MAP2K5: variants seen among roughly 807,000 people sequenced by gnomAD.
The protein encoded by MAP2K5 is dual specificity mitogen-activated protein kinase kinase 5.
MAP2K5 carries 49 observed loss-of-function variants against 83.1 expected under a neutral mutation model. That is an observed-to-expected ratio of 0.59 (90% CI 0.47 to 0.75). The LOEUF (loss-of-function observed/expected upper bound fraction) is 0.75. MAP2K5 is among the 30% of genes least tolerant of loss of function. MAP2K5 has a pLI of 0.00. For synonymous variants in MAP2K5, 202 were observed against 191.8 expected, an observed-to-expected ratio of 1.05 and a Z score of -0.44; for missense variants, 457 against 557.5, an observed-to-expected ratio of 0.82 and a Z score of 1.82.
chr15:67,600,886 AC>A (rs1881546194), intron 8 of MAP2K5, 137 bp downstream of exon 8: 1 of 615,646 alleles, frequency 1.6e-6, no homozygotes, highest in East Asian at 3.0e-5. Flanking sequence ...ATTCTGCAAG[AC>A]ATCTATTTTC....
At chr15:67,582,398 G>C (rs531710880) in intron 4 of MAP2K5, among the ~76,000 whole-genome samples, 1 of 152,242 alleles carries the variant, frequency 6.6e-6, no homozygotes, top group East Asian at 1.9e-4. Context: ...AGTGACTGGA[G>C]AATTTGGGCA....
At chr15:67,662,427 T>C (rs1315913442) in intron 12 of MAP2K5, among the ~76,000 whole-genome samples, 1 of 152,180 alleles carries the variant, frequency 6.6e-6, no homozygotes, top group Non-Finnish European at 1.5e-5. Context: ...TAGTCCTGAC[T>C]TACCCAGAAT....
chr15:67,725,907 G>C (rs1036823784), intron 16 of MAP2K5, among the ~76,000 whole-genome samples: 1 of 152,120 alleles, frequency 6.6e-6, no homozygotes, highest in African/African-American at 2.4e-5. Flanking sequence ...AGGTGGGGTG[G>C]GGACAGAGGA....
chr15:67,670,481 C>T (rs1025238407), intron 13 of MAP2K5: 2 of 453,910 alleles, frequency 4.4e-6, no homozygotes, highest in African/African-American at 4.0e-5. Flanking sequence ...AATTATGCCT[C>T]AGTAAACCAA....
In MAP2K5 at chr15:67,775,876, C is replaced by T. The variant is rs1257406720; in HGVS notation, c.1242+3124C>T. The stretch of plus-strand genomic sequence containing the variant: ...CTCTAGTGCCTGCTGGAACAGAAAC[C>T]TCTTCAACATTGACCTGGTGGAGTT... On this transcript the variant is annotated intron_variant, in intron 21 of 21. Transcript: ENST00000178640. This position sits in a 1 kb window ranked among gnomAD's most constrained non-coding sequence, Gnocchi z 5.3. Among the ~76,000 whole-genome samples, 1 of 152,188 alleles carries T rather than the reference C, an allele frequency of 6.6e-6. No homozygotes were observed. The highest frequency in any genetic ancestry group is 1.5e-5 in the Non-Finnish European group (1 of 68,032).
At chr15:67,765,912 A>G (rs1471165740) in intron 19 of MAP2K5, among the ~76,000 whole-genome samples, 1 of 152,228 alleles carries the variant, frequency 6.6e-6, no homozygotes, top group Non-Finnish European at 1.5e-5. Flanking sequence ...ATTGTGCATA[A>G]TTAATAATTA....
intron 9 of MAP2K5, chr15:67,641,398 G>A: frequency 1.6e-6 from 1 of 624,848 alleles, no homozygotes; most frequent in Non-Finnish European, 2.1e-6. Flanking sequence ...AATTAAAACA[G>A]AATAGCAGCT....
chr15:67,552,414 A>T lies in MAP2K5; in HGVS notation c.184+2332A>T, dbSNP rs2084529337. Among the ~76,000 whole-genome samples the T allele has an allele frequency of 6.6e-6, 1 of 152,010 alleles. No individual in the cohort carries two copies. The highest frequency in any genetic ancestry group is 2.4e-5 in the African/African-American group (1 of 41,364). On this transcript the variant is annotated intron_variant, in intron 2 of 21. Coordinates refer to ENST00000178640, the MANE Select transcript of MAP2K5 (RefSeq NM_145160.3). The surrounding 1 kb of genome is among the most constrained non-coding windows in gnomAD (Gnocchi z 4.2). ...TCCATGGGTTATCTTATTTCTTTTAACCATCACAAGATCCCCACGAAGTAC... is the reference window on the plus strand; with the variant it reads ...TCCATGGGTTATCTTATTTCTTTTATCCATCACAAGATCCCCACGAAGTAC...
At chr15:67,742,397 CGG>C (rs1270932034) in intron 17 of MAP2K5, among the ~76,000 whole-genome samples, 1 of 152,120 alleles carries the variant, frequency 6.6e-6, no homozygotes, top group Non-Finnish European at 1.5e-5. Context: ...ATGAAAGCTC[CGG>C]AAAAACCCTC....
chr15:67,748,836 T>C lies in MAP2K5; in HGVS notation c.1134+235T>C, dbSNP rs1275893927. On this transcript the variant is annotated intron_variant, in intron 19 of 21. Transcript: ENST00000178640. This position sits in a 1 kb window ranked among gnomAD's most constrained non-coding sequence, Gnocchi z 4.0. ...CAGGCTGGTCCTCAGGGGCATCAGA[T>C]GCCCTAAAGACAAAACACAATAATA... Among the ~76,000 whole-genome samples, 1 of 152,174 alleles carries C rather than the reference T, an allele frequency of 6.6e-6. No homozygotes were observed.
intron 1 of MAP2K5, among the ~76,000 whole-genome samples, chr15:67,544,521 C>T (rs1250224328): frequency 1.3e-5 from 2 of 152,058 alleles, no homozygotes; most frequent in Non-Finnish European, 2.9e-5. Flanking sequence ...AGAGTCAGTA[C>T]CAGAACTAAA....
intron 2 of MAP2K5, among the ~76,000 whole-genome samples, chr15:67,558,795 C>T (rs1422655776): frequency 2.0e-5 from 3 of 152,346 alleles, no homozygotes; most frequent in Admixed American, 2.0e-4. Flanking sequence ...ATCAGCAAGG[C>T]CCACTCCCTC....
chr15:67,678,589 G>A (rs2087736962), intron 13 of MAP2K5, among the ~76,000 whole-genome samples: 1 of 152,146 alleles, frequency 6.6e-6, no homozygotes, highest in Admixed American at 6.5e-5. Flanking sequence ...CAACAAAAAG[G>A]GAATCCTCAA....
chr15:67,742,756 A>C (rs879715574), intron 17 of MAP2K5, among the ~76,000 whole-genome samples: 1 of 152,214 alleles, frequency 6.6e-6, no homozygotes, highest in African/African-American at 2.4e-5. Context: ...TTTCCTTGCA[A>C]AATTCAAGTC....
In MAP2K5 at chr15:67,543,215, T is replaced by G; in HGVS notation, c.-121T>G. 8.2e-6 allele frequency: 7 copies of G among 853,970 alleles called. No individual in the cohort carries two copies. Among genetic ancestry groups the G allele is most frequent in the East Asian group, 2.8e-5 (1 of 35,802 alleles). 52.9% of individuals were successfully genotyped at this position (853,970 alleles called of 1,614,324 possible). On this transcript the variant is annotated 5_prime_UTR_variant, in exon 1 of 22. Coordinates refer to ENST00000178640, the MANE Select transcript of MAP2K5 (RefSeq NM_145160.3). The surrounding 1 kb of genome is among the most constrained non-coding windows in gnomAD (Gnocchi z 4.3). ...CCTCTTCCCTCCCCCTCATCCTCCA[T>G]TCCCTTGTTTTCACCCTCTGTCCTC...
intron 9 of MAP2K5, among the ~76,000 whole-genome samples, chr15:67,635,140 C>T (rs559422022): frequency 1.2e-3 from 181 of 151,570 alleles, no homozygotes; most frequent in African/African-American, 4.2e-3. Flanking sequence ...TCATCATATG[C>T]GATAAACCCC....
intron 12 of MAP2K5, 101 bp downstream of exon 12, chr15:67,658,715 C>A: frequency 9.8e-7 from 1 of 1,021,916 alleles, no homozygotes; most frequent in Non-Finnish European, 1.5e-6. Flanking sequence ...TTCTTCAATC[C>A]CAGTTGGCTC....
intron 12 of MAP2K5, among the ~76,000 whole-genome samples, chr15:67,663,531 C>G (rs2087291756): frequency 6.6e-6 from 1 of 152,108 alleles, no homozygotes; most frequent in Non-Finnish European, 1.5e-5. Context: ...ATGGGAAAAG[C>G]AGTTTCTATT....
chr15:67,732,154 G>T (rs1239120649), intron 17 of MAP2K5, among the ~76,000 whole-genome samples: 6 of 152,158 alleles, frequency 3.9e-5, no homozygotes, highest in Non-Finnish European at 4.4e-5. Flanking sequence ...TAGTAATCTG[G>T]AAAGATGTGA....
Sources: gnomAD v4.1 joint callset for allele counts (sites outside exome capture counted in the v4.1 genomes callset) on GRCh38, gnomAD v4.1.1 for gene constraint, Gnocchi (gnomAD v3.1) non-coding constraint, MANE v1.5 for transcripts, NCBI Gene and HGNC (gene_info 2026-07-23, HGNC 2026-07-21) for gene names.